Variants in SUGCT observed in about 807,000 individuals in gnomAD.
SUGCT encodes the protein succinyl-CoA:glutarate-CoA transferase, also known as succinyl-CoA:glutarate CoA-transferase.
SUGCT carries 41 observed loss-of-function variants against 55.0 expected under a neutral mutation model. The ratio of observed to expected loss-of-function variants is 0.74; its 90% CI spans 0.58 to 0.97. The LOEUF is 0.97. Ranked by LOEUF, SUGCT falls within the 50% of genes least tolerant of loss-of-function variation. The probability of loss-of-function intolerance (pLI) is 0.00; values close to 1 mark genes in which losing one functional copy is unlikely to be tolerated. For synonymous variants in SUGCT, 187 were observed against 200.4 expected, an observed-to-expected ratio of 0.93 and a Z score of 0.56; for missense variants, 568 against 547.8, an observed-to-expected ratio of 1.04 and a Z score of -0.37.
the SUGCT span, among the ~76,000 whole-genome samples, chr7:40,878,691 G>A: frequency 6.6e-6 from 1 of 151,920 alleles, no homozygotes; most frequent in East Asian, 1.9e-4. Context: ...TAAAGTTCTC[G>A]GCTTTATGCT....
chr7:40,192,520 A>G (rs1008640915), intron 5 of SUGCT, among the ~76,000 whole-genome samples: 2 of 152,218 alleles, frequency 1.3e-5, no homozygotes, highest in African/African-American at 4.8e-5. Context: ...ATGAAAAATT[A>G]AAACATTCAG....
intron 13 of SUGCT, among the ~76,000 whole-genome samples, chr7:40,752,725 A>C (rs1276004939): frequency 6.6e-6 from 1 of 150,456 alleles, no homozygotes; most frequent in East Asian, 1.9e-4. Flanking sequence ...AGAAATTTCA[A>C]AGTTATATGG....
At chr7:40,459,269 G>GT (rs1789661474) in intron 11 of SUGCT, 71 bp downstream of exon 11, 9 of 1,026,670 alleles carry the variant, frequency 8.8e-6, no homozygotes, top group Admixed American at 4.8e-5. Context: ...TGTTTTATAT[G>GT]TTTTTTTCTT....
chr7:40,818,472 T>C (rs1340613945), intron 13 of SUGCT, among the ~76,000 whole-genome samples: 1 of 152,234 alleles, frequency 6.6e-6, no homozygotes, highest in South Asian at 2.1e-4. Context: ...TGACTACTTC[T>C]TCATAAAGAA....
At chr7:40,283,809 A>G (rs1398666877) in intron 8 of SUGCT, among the ~76,000 whole-genome samples, 1 of 152,166 alleles carries the variant, frequency 6.6e-6, no homozygotes, top group Non-Finnish European at 1.5e-5. Context: ...TGATCTAACA[A>G]TCCCACTTCT....
At chr7:40,714,145 C>G (rs1053940731) in intron 12 of SUGCT, among the ~76,000 whole-genome samples, 7 of 151,984 alleles carry the variant, frequency 4.6e-5, no homozygotes, top group African/African-American at 1.7e-4. Context: ...GCCTGCCCAA[C>G]ATGATGAAAC....
chr7:40,690,273 A>C (rs1386613324), intron 12 of SUGCT, among the ~76,000 whole-genome samples: 1 of 152,136 alleles, frequency 6.6e-6, no homozygotes, highest in Non-Finnish European at 1.5e-5. Flanking sequence ...ATATATGATT[A>C]AGAATATTTT....
intron 1 of SUGCT, among the ~76,000 whole-genome samples, chr7:40,174,567 G>A (rs1043318451): frequency 2.0e-5 from 3 of 152,212 alleles, no homozygotes; most frequent in African/African-American, 7.2e-5. Flanking sequence ...GAGCCCAGAA[G>A]GTCGAGGTTA....
chr7:40,973,647 A>AGCCAGTGGGTTT, the SUGCT span, among the ~76,000 whole-genome samples: 3 of 152,208 alleles, frequency 2.0e-5, no homozygotes, highest in Non-Finnish European at 4.4e-5. Flanking sequence ...CAGTGGCTAG[A>AGCCAGTGGGTTT]GCCAGTGGGT....
At chr7:40,604,993 G>A (rs775025991) in intron 12 of SUGCT, among the ~76,000 whole-genome samples, 10 of 152,218 alleles carry the variant, frequency 6.6e-5, no homozygotes, top group African/African-American at 1.7e-4. Context: ...TTTGATGGCC[G>A]GCGTTGCACG....
At chr7:40,172,340 T>A (rs1018095436) in intron 1 of SUGCT, among the ~76,000 whole-genome samples, 2 of 151,978 alleles carry the variant, frequency 1.3e-5, no homozygotes, top group African/African-American at 4.8e-5. Context: ...GGGAAACGGG[T>A]CCCACATAAC....
chr7:40,196,328 T>C (rs1786289607), intron 6 of SUGCT, among the ~76,000 whole-genome samples: 1 of 152,206 alleles, frequency 6.6e-6, no homozygotes, highest in African/African-American at 2.4e-5. Context: ...ATTTTAAGTT[T>C]TTACTCAGTC....
intron 11 of SUGCT, among the ~76,000 whole-genome samples, chr7:40,487,367 A>G (rs1259419595): frequency 2.0e-5 from 3 of 147,248 alleles, no homozygotes; most frequent in Non-Finnish European, 4.4e-5. Context: ...TCAGCCTCCC[A>G]AAGTGCTGGG....
At chr7:40,729,911 G>T (rs1241045883) in intron 12 of SUGCT, among the ~76,000 whole-genome samples, 1 of 152,150 alleles carries the variant, frequency 6.6e-6, no homozygotes, top group African/African-American at 2.4e-5. Flanking sequence ...ATCCGGGTTT[G>T]TATGTGAAAT....
At chr7:40,304,003 C>T (rs1422085622) in intron 8 of SUGCT, among the ~76,000 whole-genome samples, 7 of 146,606 alleles carry the variant, frequency 4.8e-5, no homozygotes, top group Admixed American at 1.4e-4. Flanking sequence ...AAGCTGAGAT[C>T]GTGCCATTGC....
intron 13 of SUGCT, among the ~76,000 whole-genome samples, chr7:40,759,925 G>A (rs1355822482): frequency 6.6e-6 from 1 of 151,318 alleles, no homozygotes; most frequent in Non-Finnish European, 1.5e-5. Flanking sequence ...TGTATTGTTA[G>A]GCCATTTTAA....
intron 12 of SUGCT, among the ~76,000 whole-genome samples, chr7:40,522,382 A>G (rs1319879576): frequency 2.0e-5 from 3 of 152,060 alleles, no homozygotes; most frequent in Non-Finnish European, 4.4e-5. Context: ...AATGTTTTCC[A>G]TTGTTTATCC....
At chr7:40,645,741 A>G (rs1428207738) in intron 12 of SUGCT, among the ~76,000 whole-genome samples, 1 of 152,134 alleles carries the variant, frequency 6.6e-6, no homozygotes, top group Non-Finnish European at 1.5e-5. Flanking sequence ...ATCCAGTGGG[A>G]TCCGAGGGTA....
rs180766298 is a variant in SUGCT, at chr7:40,635,294, A to C, written c.1090-114140A>C. Among the ~76,000 whole-genome samples the C allele has an allele frequency of 1.6e-3, 243 of 152,188 alleles. 1 individual carries two copies. Among genetic ancestry groups the C allele is most frequent in the African/African-American group, 5.7e-3 (235 of 41,512 alleles). On this transcript the variant is annotated intron_variant, in intron 12 of 13. Transcript: ENST00000335693. ...GAGCAAGACTCTGTCTCCAAAAAAGAAAAAAACAAAAAACAAAACAAAAAA... is the reference window on the plus strand; with the variant it reads ...GAGCAAGACTCTGTCTCCAAAAAAGCAAAAAACAAAAAACAAAACAAAAAA...
Sources: gnomAD v4.1 joint callset for allele counts (sites outside exome capture counted in the v4.1 genomes callset) on GRCh38, gnomAD v4.1.1 for gene constraint, MANE v1.5 for transcripts, NCBI Gene and HGNC (gene_info 2026-07-23, HGNC 2026-07-21) for gene names.